PRTG: variants seen among roughly 807,000 people sequenced by gnomAD.
PRTG encodes immunoglobulin superfamily, DCC subclass, member 5.
A neutral mutation model predicts 122.5 loss-of-function variants in PRTG; 67 were observed. The ratio of observed to expected loss-of-function variants is 0.55; its 90% CI spans 0.45 to 0.67. The LOEUF (loss-of-function observed/expected upper bound fraction) is 0.67, where lower values mean the gene tolerates loss of function less well. PRTG is among the 30% of genes least tolerant of loss of function. PRTG has a pLI of 0.00. For synonymous variants in PRTG, 554 were observed against 501.1 expected (o/e 1.11, Z -1.41); for missense variants, 1,435 against 1,415.4 (o/e 1.01, Z -0.22).
At chr15:55,717,608 G>A (rs1282072783) in intron 2 of PRTG, among the ~76,000 whole-genome samples, 4 of 152,120 alleles carry the variant, frequency 2.6e-5, no homozygotes, top group African/African-American at 9.7e-5. Context: ...TTAATCTAGT[G>A]AACTATTATG....
chr15:55,621,823 C>T (rs2059167921), intron 18 of PRTG, among the ~76,000 whole-genome samples: 1 of 152,070 alleles, frequency 6.6e-6, no homozygotes, highest in African/African-American at 2.4e-5. Context: ...AACTTATTTT[C>T]AAATGGTATA....
In PRTG at chr15:55,624,487, G is replaced by A. The variant is rs146949286; in HGVS notation, c.2948C>T (p.Thr983Met). 174 of 1,611,204 alleles carry A rather than the reference G, an allele frequency of 1.1e-4. No individual in the cohort carries two copies. The African/African-American group carries it at 2.1e-3, about 19-fold the overall frequency. ...SKARKSSASK[T>M]AQNGTQQLPR... Reference sequence around the variant, plus strand: ...TAACTGTTGAGTTCCATTCTGTGCCGTCTTGGAAGCAGATGATTTCCTAAA... The same window carrying A: ...TAACTGTTGAGTTCCATTCTGTGCCATCTTGGAAGCAGATGATTTCCTAAA... Residue 983 changes from threonine to methionine, a missense_variant, in exon 18 of 20, where the codon ACG becomes ATG. Transcript: ENST00000389286.
At chr15:55,728,046 A>G (rs375077790) in intron 2 of PRTG, among the ~76,000 whole-genome samples, 30 of 152,116 alleles carry the variant, frequency 2.0e-4, no homozygotes, top group African/African-American at 7.0e-4. Context: ...TTGTGTTTTT[A>G]GTAGAGACGG....
intron 11 of PRTG, among the ~76,000 whole-genome samples, chr15:55,665,933 C>A (rs866367384): frequency 5.3e-5 from 8 of 152,168 alleles, no homozygotes; most frequent in Non-Finnish European, 7.4e-5. Flanking sequence ...CTTCAGTGTC[C>A]ACAAATGAAG....
intron 2 of PRTG, among the ~76,000 whole-genome samples, chr15:55,689,943 A>C (rs1193790081): frequency 6.6e-6 from 1 of 151,862 alleles, no homozygotes; most frequent in African/African-American, 2.4e-5. Context: ...AAAAAAAAAG[A>C]GTAGTTAGGC....
At chr15:55,717,904 C>T (rs2030657983) in intron 2 of PRTG, among the ~76,000 whole-genome samples, 2 of 152,166 alleles carry the variant, frequency 1.3e-5, no homozygotes, top group Admixed American at 1.3e-4. Context: ...GGTCTCTTCA[C>T]ATGGACGCGC....
intron 3 of PRTG, 45 bp from the exon 4 acceptor site, chr15:55,682,542 T>TA (rs766585619): frequency 2.3e-5 from 19 of 824,108 alleles, no homozygotes; most frequent in Admixed American, 3.5e-5. Context: ...GTAGATTTCA[T>TA]ATTTTATTTA....
chr15:55,679,950 A>C lies in PRTG; in HGVS notation c.973+104T>G, dbSNP rs945561382. The stretch of plus-strand genomic sequence containing the variant: ...ATTCATCATTTGATTACAATACTTC[A>C]TATCAATGCTACAAAGCTCAAGAAA... On this transcript the variant is annotated intron_variant, in intron 6 of 19. Coordinates refer to ENST00000389286, the MANE Select transcript of PRTG (RefSeq NM_173814.6). The C allele has an allele frequency of 4.9e-6, 4 of 819,090 alleles. No individual in the cohort carries two copies. The Middle Eastern group carries it at 7.3e-4, about 149-fold the overall frequency. 50.7% of individuals were successfully genotyped at this position (819,090 alleles called of 1,614,324 possible).
intron 2 of PRTG, among the ~76,000 whole-genome samples, chr15:55,720,882 T>TTAGTCATGTCATTCTCAAGATCTA (rs2030794094): frequency 6.6e-6 from 1 of 152,218 alleles, no homozygotes; most frequent in Non-Finnish European, 1.5e-5. Context: ...CTGGGCTGCA[T>TTAGTCATGTCATTCTCAAGATCTA]GCGGGTTGGA....
intron 2 of PRTG, among the ~76,000 whole-genome samples, chr15:55,702,161 G>A (rs1490350472): frequency 6.6e-6 from 1 of 152,138 alleles, no homozygotes; most frequent in East Asian, 1.9e-4. Flanking sequence ...TCTAGCCAGT[G>A]TTAAAGAAGA....
At chr15:55,654,810 C>T (rs117580683) in intron 11 of PRTG, among the ~76,000 whole-genome samples, 1,563 of 152,312 alleles carry the variant, frequency 0.01, 19 homozygotes, top group Non-Finnish European at 0.011. Context: ...TTTTCCGTTT[C>T]ACTGTCGTGG....
intron 2 of PRTG, among the ~76,000 whole-genome samples, chr15:55,691,020 G>A (rs142096548): frequency 3.2e-4 from 48 of 152,128 alleles, no homozygotes; most frequent in African/African-American, 9.6e-4. Flanking sequence ...CAAATTACAG[G>A]TTCTAGGCCA....
At chr15:55,661,144 A>G (rs1465055193) in intron 11 of PRTG, among the ~76,000 whole-genome samples, 3 of 152,308 alleles carry the variant, frequency 2.0e-5, no homozygotes, top group African/African-American at 7.2e-5. Context: ...AAAACAAACA[A>G]ACAGACAAAC....
intron 18 of PRTG, among the ~76,000 whole-genome samples, chr15:55,623,395 C>G (rs1284393158): frequency 1.1e-4 from 17 of 152,086 alleles, no homozygotes; most frequent in Non-Finnish European, 2.2e-4. Flanking sequence ...CGGTGAAACC[C>G]CATCTCTACT....
intron 2 of PRTG, among the ~76,000 whole-genome samples, chr15:55,707,589 A>G (rs968782278): frequency 1.3e-5 from 2 of 152,252 alleles, no homozygotes; most frequent in Non-Finnish European, 2.9e-5. Context: ...GACAACAGCC[A>G]TATAGAAATC....
rs200167052 is a variant in PRTG, at chr15:55,639,816, C to T, written c.2150G>A (p.Arg717His). The change falls in exon 13 of 20, where the codon CGC (arginine) becomes CAC (histidine). Residue 717 changes from arginine to histidine, a missense_variant. By Grantham distance (29) the Arg-to-His change is conservative. Coordinates refer to ENST00000389286, the MANE Select transcript of PRTG (RefSeq NM_173814.6). ...STPGCVSVRD[R>H]MVPPPPPPHH... ...GGGTGGTGGTGGAGGAGGGACCATG[C>T]GATCACGAACAGCTATTGAGAAAAA... 39 of 1,613,460 alleles carry T rather than the reference C, an allele frequency of 2.4e-5. No individual in the cohort carries two copies. The highest frequency in any genetic ancestry group is 3.1e-5 in the Non-Finnish European group (37 of 1,179,836).
At chr15:55,625,249 A>G (rs2059188251) in intron 17 of PRTG, among the ~76,000 whole-genome samples, 1 of 152,234 alleles carries the variant, frequency 6.6e-6, no homozygotes, top group South Asian at 2.1e-4. Flanking sequence ...AGCCAAAGTC[A>G]ATCCATAGAT....
At position 55,619,978 on chromosome 15, in the gene PRTG, G is replaced by C. The variant is rs371590764; in HGVS notation, c.*34C>G. The C allele has an allele frequency of 3.2e-5, 52 of 1,610,688 alleles. No homozygotes were observed. The highest frequency in any genetic ancestry group is 4.4e-5 in the Non-Finnish European group (52 of 1,178,270). On this transcript the variant is annotated 3_prime_UTR_variant, in exon 20 of 20. Transcript: ENST00000389286. The stretch of plus-strand genomic sequence containing the variant: ...CAGGGTCTTCACACTTCCTCAATGC[G>C]GAATCTCCACCTGAATCACTGCCAG...
At chr15:55,661,348 C>T (rs2059408419) in intron 11 of PRTG, among the ~76,000 whole-genome samples, 1 of 152,150 alleles carries the variant, frequency 6.6e-6, no homozygotes, top group South Asian at 2.1e-4. Context: ...GGTATTTCAC[C>T]TTATAAACTG....
Sources: gnomAD v4.1 joint callset for allele counts (sites outside exome capture counted in the v4.1 genomes callset) on GRCh38, gnomAD v4.1.1 for gene constraint, MANE v1.5 for transcripts, NCBI Gene and HGNC (gene_info 2026-07-23, HGNC 2026-07-21) for gene names.